Variants in TPRX1 observed in about 807,000 individuals in gnomAD.
TPRX1 encodes tetra-peptide repeat homeobox protein 1.
A neutral mutation model predicts 8.1 loss-of-function variants in TPRX1; 2 were observed. The observed-to-expected ratio is 0.25, with a 90% CI of 0.10 to 0.78. TPRX1 has a LOEUF of 0.78. TPRX1 is among the 30% of genes least tolerant of loss of function. The pLI is 0.70. For missense variants in TPRX1, 517 were observed against 586.9 expected (o/e 0.88, Z 1.23); for synonymous variants, 257 against 254.1 (o/e 1.01, Z -0.11).
At chr19:47,801,996 C>A in exon 4 of TPRX1, 1 of 1,613,558 alleles carries the variant, frequency 6.2e-7, no homozygotes, top group Non-Finnish European at 8.5e-7. Flanking sequence ...TCGGAGGCAT[C>A]GGGGCTCTGA....
exon 4 of TPRX1, chr19:47,802,304 G>C (rs1359505189): frequency 1.5e-6 from 2 of 1,315,506 alleles, no homozygotes; most frequent in African/African-American, 3.0e-5. Flanking sequence ...GATCGGGCCT[G>C]GGTTCGGGCC....
intron 1 of TPRX1, chr19:47,818,638 G>A (rs560167670): frequency 5.9e-4 from 258 of 440,848 alleles, no homozygotes; most frequent in Admixed American, 1.1e-3. Context: ...GGTATGAGGA[G>A]CACCCCCATC....
chr19:47,802,480 G>A (rs1967684432), exon 4 of TPRX1: 2 of 1,543,630 alleles, frequency 1.3e-6, no homozygotes, highest in Non-Finnish European at 1.7e-6. Flanking sequence ...CTGGGATCGG[G>A]CCTGGGTTTG....
chr19:47,803,117 C>T, intron 3 of TPRX1, 137 bp from the exon 3 acceptor site: 2 of 1,045,446 alleles, frequency 1.9e-6, no homozygotes, highest in Non-Finnish European at 2.7e-6. Context: ...CAAAAGAGGG[C>T]CCCGGCTCCA....
exon 4 of TPRX1, chr19:47,802,189 C>T (rs1967672263): frequency 1.2e-6 from 2 of 1,608,792 alleles, no homozygotes; most frequent in East Asian, 2.2e-5. Flanking sequence ...GGCCTGGGAT[C>T]TGGGCTGGGC....
intron 2 of TPRX1, among the ~76,000 whole-genome samples, chr19:47,810,479 G>T (rs1568616097): frequency 6.7e-6 from 1 of 149,498 alleles, no homozygotes; most frequent in Non-Finnish European, 1.5e-5. Flanking sequence ...CTCCTGAGTA[G>T]CTGGGATTAC....
At chr19:47,813,166 A>AC (rs1049450181) in intron 2 of TPRX1, among the ~76,000 whole-genome samples, 4 of 107,392 alleles carry the variant, frequency 3.7e-5, no homozygotes, top group East Asian at 2.6e-4. Context: ...AACCCCCCCC[A>AC]CCCCGCCAAA....
exon 4 of TPRX1, chr19:47,801,611 T>A: frequency 1.2e-6 from 1 of 805,384 alleles, no homozygotes; most frequent in South Asian, 2.0e-5. Context: ...GGCAGGCACA[T>A]TCACAGCAGA....
chr19:47,816,617 A>C (rs982010523), intron 2 of TPRX1, among the ~76,000 whole-genome samples: 18 of 149,398 alleles, frequency 1.2e-4, no homozygotes, highest in East Asian at 4.0e-4. Flanking sequence ...ACTGCAAGCA[A>C]CGCCTCCCAG....
In TPRX1 at chr19:47,814,553, C is replaced by T. The variant is rs181580995; in HGVS notation, c.151+3915G>A. On this transcript the variant is annotated intron_variant, in intron 2 of 3. Transcript: ENST00000535759. ...CCTGACTTTCTACTCACTCTCCCCT[C>T]TCTGTTCCTTTAGGGATAATGGGGG... 2.2e-3 allele frequency among the ~76,000 whole-genome samples: 328 copies of T among 152,204 alleles called. 1 individual carries two copies. Among genetic ancestry groups the T allele is most frequent in the African/African-American group, 7.6e-3 (314 of 41,546 alleles).
intron 2 of TPRX1, among the ~76,000 whole-genome samples, chr19:47,805,276 G>A (rs1967725489): frequency 2.6e-5 from 4 of 152,138 alleles, no homozygotes; most frequent in African/African-American, 4.8e-5. Flanking sequence ...TACGGGGCTC[G>A]TGTGCTGGGT....
chr19:47,815,724 A>C (rs1467359557), intron 2 of TPRX1, among the ~76,000 whole-genome samples: 1 of 149,890 alleles, frequency 6.7e-6, no homozygotes, highest in Non-Finnish European at 1.5e-5. Flanking sequence ...AGACGAGAGG[A>C]TCATTTGAGC....
intron 2 of TPRX1, among the ~76,000 whole-genome samples, chr19:47,814,060 A>ATT (rs565480649): frequency 0.26 from 35,977 of 139,236 alleles, 5,139 homozygotes; most frequent in Middle Eastern, 0.35. Context: ...AACATTGCTG[A>ATT]TTTTTTTTTT....
At chr19:47,817,961 C>G (rs1162553259) in intron 2 of TPRX1, among the ~76,000 whole-genome samples, 1 of 152,218 alleles carries the variant, frequency 6.6e-6, no homozygotes, top group Non-Finnish European at 1.5e-5. Context: ...TGGATGCACC[C>G]ACTACCAGGC....
chr19:47,815,590 C>G (rs1967832379), intron 2 of TPRX1, among the ~76,000 whole-genome samples: 1 of 141,010 alleles, frequency 7.1e-6, no homozygotes, highest in African/African-American at 2.6e-5. Flanking sequence ...AGGAGGATCA[C>G]TTGAGATCAG....
chr19:47,802,035 A>T (rs1462873131), exon 4 of TPRX1: 1 of 1,608,482 alleles, frequency 6.2e-7, no homozygotes, highest in Admixed American at 1.7e-5. Context: ...GCTGGGAGTG[A>T]TCCTGGGCCT....
chr19:47,806,974 G>A (rs983173829), intron 2 of TPRX1, among the ~76,000 whole-genome samples: 1 of 151,012 alleles, frequency 6.6e-6, no homozygotes, highest in Non-Finnish European at 1.5e-5. Context: ...GTGTGATCTC[G>A]GCTTGCTGCA....
At chr19:47,805,194 G>A (rs953120501) in intron 2 of TPRX1, among the ~76,000 whole-genome samples, 1 of 152,158 alleles carries the variant, frequency 6.6e-6, no homozygotes, top group African/African-American at 2.4e-5. Context: ...GTTCTGATAG[G>A]CATTCACATA....
exon 4 of TPRX1, chr19:47,802,222 G>A (rs1479887156): frequency 1.2e-6 from 2 of 1,612,352 alleles, no homozygotes; most frequent in Non-Finnish European, 1.7e-6. Context: ...CTATAATTGG[G>A]CCTGGGCCTG....
Sources: allele counts gnomAD v4.1 joint callset (sites outside exome capture counted in the v4.1 genomes callset), GRCh38; gene constraint gnomAD v4.1.1; transcripts MANE v1.5; gene names NCBI Gene and HGNC (gene_info 2026-07-23, HGNC 2026-07-21).